The following ARIH2 variants were observed in gnomAD, a reference collection of about 807,000 sequenced individuals.
ARIH2 encodes the protein ariadne RBR E3 ubiquitin protein ligase 2.
A neutral mutation model predicts 79.8 loss-of-function variants in ARIH2; 12 were observed. That is an observed-to-expected ratio of 0.15 (90% CI 0.10 to 0.24). ARIH2 has a LOEUF of 0.24. Ranked by LOEUF, ARIH2 falls within the 10% of genes least tolerant of loss-of-function variation. The pLI, the probability that ARIH2 is intolerant of heterozygous loss-of-function variation, is 1.00. For missense variants in ARIH2, 301 were observed against 618.3 expected (o/e 0.49, Z 5.44); for synonymous variants, 224 against 213.9 (o/e 1.05, Z -0.41).
intron 4 of ARIH2, among the ~76,000 whole-genome samples, chr3:48,963,104 A>C: frequency 6.6e-6 from 1 of 152,154 alleles, no homozygotes; most frequent in East Asian, 1.9e-4. Flanking sequence ...GCTGAACACA[A>C]CTGGGAAGGA....
chr3:48,965,022 A>G (rs757207850), intron 5 of ARIH2, 40 bp downstream of exon 5: 5 of 1,586,636 alleles, frequency 3.2e-6, no homozygotes, highest in South Asian at 1.1e-5. Flanking sequence ...TCCTAATTGC[A>G]TGTGGTTCTT....
In ARIH2 at chr3:48,947,744, C is replaced by G. The variant is rs963893582; in HGVS notation, c.256-13868C>G. On this transcript the variant is annotated intron_variant, in intron 3 of 15. Coordinates refer to ENST00000356401, the MANE Select transcript of ARIH2 (RefSeq NM_006321.4). ...AATTAAATTTGACAAACTTTCCGCC[C>G]TTTTATTATGAAAAATTTAAAAGAA... Among the ~76,000 whole-genome samples, 4 of 152,218 alleles carry G rather than the reference C, an allele frequency of 2.6e-5. No homozygotes were observed. The East Asian group carries it at 7.7e-4, about 29-fold the overall frequency.
chr3:48,950,410 C>T (rs1169453483), intron 3 of ARIH2, among the ~76,000 whole-genome samples: 2 of 152,120 alleles, frequency 1.3e-5, no homozygotes, highest in Non-Finnish European at 2.9e-5. Flanking sequence ...CCAGTATCTC[C>T]ACTGTCTTGA....
intron 1 of ARIH2, chr3:48,919,323 A>C (rs1399764050): frequency 1.2e-5 from 9 of 780,462 alleles, no homozygotes; most frequent in African/African-American, 1.8e-5. Context: ...GGGGCTCACC[A>C]CTCGAGTCAT....
chr3:48,941,598 T>C (rs990175300), intron 3 of ARIH2, among the ~76,000 whole-genome samples: 18 of 150,330 alleles, frequency 1.2e-4, no homozygotes, highest in Middle Eastern at 3.4e-3. Context: ...CTTTTCTTTT[T>C]TTTTTTTTTT....
intron 7 of ARIH2, among the ~76,000 whole-genome samples, chr3:48,969,609 TC>T (rs1440973444): frequency 1.3e-5 from 2 of 151,568 alleles, no homozygotes; most frequent in Non-Finnish European, 2.9e-5. Context: ...CACCTTAGCC[TC>T]CCGAGCAACT....
At chr3:48,923,892 G>A (rs980747702) in intron 2 of ARIH2, among the ~76,000 whole-genome samples, 1 of 152,186 alleles carries the variant, frequency 6.6e-6, no homozygotes, top group South Asian at 2.1e-4. Flanking sequence ...CCAGCGTTTT[G>A]TAAGGCCAAC....
rs1199897384 is a variant in ARIH2, at chr3:48,918,898, C to A, written c.-262C>A. ...CAGCGCGGGCTTGACCGGCGTCGGC[C>A]CGCCGCCTCCGCTGCCGCTTCGCCC... On this transcript the variant is annotated 5_prime_UTR_variant, in exon 1 of 16. Transcript: ENST00000356401. 6.2e-7 allele frequency: 1 copy of A among 1,601,484 alleles called. No individual in the cohort carries two copies. The highest frequency in any genetic ancestry group is 1.7e-5 in the Admixed American group (1 of 59,018).
At chr3:48,949,376 G>A (rs571938913) in intron 3 of ARIH2, among the ~76,000 whole-genome samples, 4 of 152,064 alleles carry the variant, frequency 2.6e-5, no homozygotes, top group African/African-American at 9.7e-5. Flanking sequence ...CCTTGGCCTG[G>A]GATTACAGGT....
At chr3:48,960,536 G>A (rs1427087975) in intron 3 of ARIH2, among the ~76,000 whole-genome samples, 1 of 151,980 alleles carries the variant, frequency 6.6e-6, no homozygotes, top group Non-Finnish European at 1.5e-5. Context: ...GGCCAAGGCA[G>A]GCGGATCACC....
intron 3 of ARIH2, chr3:48,945,077 G>A: frequency 7.9e-7 from 1 of 1,269,846 alleles, no homozygotes; most frequent in Non-Finnish European, 1.0e-6. Flanking sequence ...AAAGATTTCA[G>A]GCAGTTGGCA....
At chr3:48,934,790 T>C in intron 3 of ARIH2, 7 of 985,430 alleles carry the variant, frequency 7.1e-6, no homozygotes, top group African/African-American at 5.2e-5. Context: ...AGAAAAGTTA[T>C]TGTCATCGCT....
At chr3:48,978,479 ATATATT>A (rs2092631450) in intron 11 of ARIH2, among the ~76,000 whole-genome samples, 1 of 63,528 alleles carries the variant, frequency 1.6e-5, no homozygotes, top group Middle Eastern at 7.2e-3. Flanking sequence ...ATATATATAT[ATATATT>A]TTTTTTTTTT....
At chr3:48,965,015 T>C in intron 5 of ARIH2, 33 bp downstream of exon 5, 1 of 1,593,666 alleles carries the variant, frequency 6.3e-7, no homozygotes, top group South Asian at 1.1e-5. Context: ...AGGCTTCTCC[T>C]AATTGCATGT....
At chr3:48,961,270 G>A (rs777074950) in intron 3 of ARIH2, among the ~76,000 whole-genome samples, 4 of 152,134 alleles carry the variant, frequency 2.6e-5, no homozygotes, top group Non-Finnish European at 5.9e-5. Context: ...CAGCTTGAGG[G>A]AACATATATG....
Position 48,927,530 on chromosome 3 carries a change from C to T in ARIH2, c.-29C>T, listed in dbSNP as rs202009674. The T allele has an allele frequency of 6.2e-7, 1 of 1,607,506 alleles. No homozygotes were observed. Among genetic ancestry groups the T allele is most frequent in the Non-Finnish European group, 8.5e-7 (1 of 1,177,206 alleles). On this transcript the variant is annotated 5_prime_UTR_variant, in exon 3 of 16. Coordinates refer to ENST00000356401, the MANE Select transcript of ARIH2 (RefSeq NM_006321.4). ...GGGAGGGGGAAAAAGCAACTGCTTT[C>T]CTGATCTGCAACTTGGCTGGATGCT...
chr3:48,932,629 C>T (rs2086524006), intron 3 of ARIH2, among the ~76,000 whole-genome samples: 2 of 152,170 alleles, frequency 1.3e-5, no homozygotes, highest in South Asian at 4.1e-4. Context: ...TCAGCCAGAG[C>T]CCCAGACAAA....
At chr3:48,940,808 A>ATATATATAT (rs1553702241) in intron 3 of ARIH2, among the ~76,000 whole-genome samples, 18 of 98,070 alleles carry the variant, frequency 1.8e-4, no homozygotes, top group East Asian at 1.3e-3. Context: ...AAAAAAAAAA[A>ATATATATAT]ATATATATAT....
chr3:48,976,561 A>G (rs919417630), intron 11 of ARIH2, among the ~76,000 whole-genome samples: 1 of 152,072 alleles, frequency 6.6e-6, no homozygotes, highest in African/African-American at 2.4e-5. Flanking sequence ...AGACAGCAAC[A>G]TTGACTCTGC....
Sources: gnomAD v4.1 joint callset for allele counts (sites outside exome capture counted in the v4.1 genomes callset) on GRCh38, gnomAD v4.1.1 for gene constraint, MANE v1.5 for transcripts, NCBI Gene and HGNC (gene_info 2026-07-23, HGNC 2026-07-21) for gene names.